Variants in SHC3 observed in about 807,000 individuals in gnomAD.
The protein encoded by SHC3 is SHC adaptor protein 3.
Under a neutral mutation model 60.4 loss-of-function variants are expected in SHC3, and 15 were observed. That is an observed-to-expected ratio of 0.25 (90% confidence interval 0.17 to 0.38). SHC3 has a LOEUF of 0.38. Among genes scored for constraint, SHC3 ranks in the 10% least tolerant of loss-of-function variants. The pLI is 1.00. For missense variants in SHC3, 677 were observed against 786.1 expected, an observed-to-expected ratio of 0.86 and a Z score of 1.66; for synonymous variants, 294 against 325.9, an observed-to-expected ratio of 0.90 and a Z score of 1.05.
intron 4 of SHC3, among the ~76,000 whole-genome samples, chr9:89,074,224 G>A (rs1425550162): frequency 6.6e-6 from 1 of 152,132 alleles, no homozygotes. Flanking sequence ...TAACATAAAG[G>A]TCACTGCGGG....
chr9:89,038,344 A>AAT, intron 10 of SHC3, 56 bp from the exon 11 acceptor site: 2 of 28,474 alleles, frequency 7.0e-5, no homozygotes, highest in East Asian at 0.038. Context: ...GCAAATGATA[A>AAT]AAAAAAAAAA....
chr9:89,071,126 C>T, intron 5 of SHC3, 73 bp downstream of exon 5: 1 of 1,400,980 alleles, frequency 7.1e-7, no homozygotes, highest in Admixed American at 1.7e-5. Flanking sequence ...TCTTGCAAGG[C>T]ATATTATTGA....
chr9:89,169,839 C>A (rs1276075591), intron 1 of SHC3, among the ~76,000 whole-genome samples: 1 of 152,072 alleles, frequency 6.6e-6, no homozygotes, highest in African/African-American at 2.4e-5. Flanking sequence ...GTTTTAAAAT[C>A]CTCATAATAA....
At chr9:89,041,944 G>T in intron 10 of SHC3, 82 bp downstream of exon 10, 1 of 1,541,604 alleles carries the variant, frequency 6.5e-7, no homozygotes, top group East Asian at 2.3e-5. Flanking sequence ...AGAAAATTCA[G>T]TAATTACACA....
intron 10 of SHC3, among the ~76,000 whole-genome samples, 168 bp from the exon 11 acceptor site, chr9:89,038,456 G>T (rs1824622477): frequency 6.6e-6 from 1 of 151,960 alleles, no homozygotes; most frequent in Non-Finnish European, 1.5e-5. Flanking sequence ...TATAACAAGA[G>T]CCATCATAAC....
At chr9:89,067,431 G>A (rs1825201804) in intron 5 of SHC3, among the ~76,000 whole-genome samples, 1 of 152,142 alleles carries the variant, frequency 6.6e-6, no homozygotes, top group Admixed American at 6.5e-5. Flanking sequence ...GAGTAACTGG[G>A]ATCATTTAGG....
chr9:89,154,671 T>C (rs938435563), intron 1 of SHC3, among the ~76,000 whole-genome samples: 1 of 152,228 alleles, frequency 6.6e-6, no homozygotes, highest in African/African-American at 2.4e-5. Flanking sequence ...ATAAATGCCA[T>C]ATAGGTGTTC....
At chr9:89,103,968 A>G (rs1437151997) in intron 2 of SHC3, among the ~76,000 whole-genome samples, 1 of 152,166 alleles carries the variant, frequency 6.6e-6, no homozygotes, top group Non-Finnish European at 1.5e-5. Flanking sequence ...AAAGACAGAA[A>G]AGGAGCAATC....
At chr9:89,167,860 T>TG (rs1453607758) in intron 1 of SHC3, among the ~76,000 whole-genome samples, 1 of 152,244 alleles carries the variant, frequency 6.6e-6, no homozygotes, top group Non-Finnish European at 1.5e-5. Flanking sequence ...TTTCCCCTCC[T>TG]GGGTGCCTCT....
chr9:89,154,474 G>C (rs1481006338), intron 1 of SHC3, among the ~76,000 whole-genome samples: 1 of 152,196 alleles, frequency 6.6e-6, no homozygotes, highest in Non-Finnish European at 1.5e-5. Context: ...CATGGAAAGA[G>C]GGTTGGGTGT....
intron 1 of SHC3, among the ~76,000 whole-genome samples, chr9:89,159,204 C>T (rs1023871057): frequency 6.6e-6 from 1 of 152,060 alleles, no homozygotes; most frequent in Non-Finnish European, 1.5e-5. Flanking sequence ...GTCATGTAGG[C>T]ACATGAACTA....
chr9:89,060,770 C>T (rs751320736), intron 6 of SHC3, among the ~76,000 whole-genome samples: 2 of 152,032 alleles, frequency 1.3e-5, no homozygotes, highest in South Asian at 2.1e-4. Context: ...AGTGGAAGAG[C>T]GGGCACAGAG....
chr9:89,142,352 G>C (rs1440006758), intron 1 of SHC3, among the ~76,000 whole-genome samples: 1 of 152,156 alleles, frequency 6.6e-6, no homozygotes, highest in African/African-American at 2.4e-5. Context: ...TTGAGGTCCA[G>C]GAGTTCAAAA....
At chr9:89,015,982 A>G (rs1286041046) in intron 11 of SHC3, among the ~76,000 whole-genome samples, 1 of 152,242 alleles carries the variant, frequency 6.6e-6, no homozygotes, top group African/African-American at 2.4e-5. Flanking sequence ...ATCTAAAGTA[A>G]GCAGGAGGAA....
At chr9:89,047,082 G>C (rs1002756516) in intron 7 of SHC3, 88 bp from the exon 8 acceptor site, 2 of 1,391,498 alleles carry the variant, frequency 1.4e-6, no homozygotes, top group South Asian at 1.8e-5. Context: ...CTGTTATTAA[G>C]AAAAGAGAGT....
chr9:89,076,170 A>AT (rs1242588073), intron 3 of SHC3, among the ~76,000 whole-genome samples: 2 of 151,882 alleles, frequency 1.3e-5, no homozygotes, highest in Non-Finnish European at 2.9e-5. Flanking sequence ...GGAAGATGAG[A>AT]TTCCCCTTCT....
chr9:89,146,164 T>C (rs1476589449), intron 1 of SHC3, among the ~76,000 whole-genome samples: 1 of 151,892 alleles, frequency 6.6e-6, no homozygotes, highest in African/African-American at 2.4e-5. Context: ...AAGACCAGCC[T>C]GGTCAACATG....
intron 1 of SHC3, among the ~76,000 whole-genome samples, chr9:89,132,446 T>C (rs576075635): frequency 6.6e-6 from 1 of 152,214 alleles, no homozygotes; most frequent in African/African-American, 2.4e-5. Context: ...GAGCCTGCAT[T>C]GCCAAGACAA....
intron 1 of SHC3, among the ~76,000 whole-genome samples, chr9:89,152,696 C>T (rs554415110): frequency 3.1e-4 from 47 of 152,294 alleles, no homozygotes; most frequent in African/African-American, 1.1e-3. Context: ...TGATTTATTA[C>T]AAGCATTTAT....
Sources: gnomAD v4.1 joint callset for allele counts (sites outside exome capture counted in the v4.1 genomes callset) on GRCh38, gnomAD v4.1.1 for gene constraint, MANE v1.5 for transcripts, NCBI Gene and HGNC (gene_info 2026-07-23, HGNC 2026-07-21) for gene names.